The following CSMD1 variants were observed in gnomAD, a reference collection of about 807,000 sequenced individuals.
The protein encoded by CSMD1 is CUB and sushi domain-containing protein 1.
CSMD1 carries 213 observed loss-of-function variants against 417.5 expected under a neutral mutation model. The observed-to-expected ratio is 0.51, with a 90% confidence interval of 0.46 to 0.57. The LOEUF (loss-of-function observed/expected upper bound fraction) is 0.57, where lower values mean the gene tolerates loss of function less well. Ranked by LOEUF, CSMD1 falls within the 20% of genes least tolerant of loss-of-function variation. The pLI is 0.00. For synonymous variants in CSMD1, 2,862 were observed against 1,736.8 expected, an observed-to-expected ratio of 1.65 and a Z score of -16.11; for missense variants, 6,923 against 4,529.7, an observed-to-expected ratio of 1.53 and a Z score of -15.17.
In CSMD1 at chr8:4,994,417, G is replaced by T. The variant is rs1811646836; in HGVS notation, c.-1C>A. ...ACTGGAATCTCCTCCACGCAGTCAT[G>T]TCTGCAGATACTCCACACGCACGCG... is the stretch of plus-strand genomic sequence containing the variant. On this transcript the variant is annotated 5_prime_UTR_variant, in exon 1 of 70. Coordinates refer to ENST00000635120, the MANE Select transcript of CSMD1 (RefSeq NM_033225.6). 6.2e-7 allele frequency: 1 copy of T among 1,611,554 alleles called. No homozygotes were observed. Among genetic ancestry groups the T allele is most frequent in the African/African-American group, 1.3e-5 (1 of 75,048 alleles).
intron 5 of CSMD1, among the ~76,000 whole-genome samples, chr8:3,788,053 CA>C (rs1313615581): frequency 1.3e-5 from 2 of 152,138 alleles, no homozygotes; most frequent in African/African-American, 2.4e-5. Flanking sequence ...CACACTGGCT[CA>C]AAAAGCCTCT....
At position 3,493,472 on chromosome 8, in the gene CSMD1, C is replaced by G. The variant is rs993947058; in HGVS notation, c.1448+151G>C. On this transcript the variant is annotated intron_variant, in intron 11 of 69. Coordinates refer to ENST00000635120, the MANE Select transcript of CSMD1 (RefSeq NM_033225.6). ...ATTATACTCATAATGTGTTCTCATA[C>G]AAAATGAGATTGCAGGCCACTACAT... is the stretch of plus-strand genomic sequence containing the variant. 8.5e-6 allele frequency: 5 copies of G among 587,750 alleles called. No homozygotes were observed. The East Asian group carries it at 1.1e-4, about 13-fold the overall frequency. 36.4% of individuals were successfully genotyped at this position (587,750 alleles called of 1,614,324 possible).
intron 5 of CSMD1, among the ~76,000 whole-genome samples, chr8:3,956,623 C>G (rs73658506): frequency 6.6e-6 from 1 of 152,146 alleles, no homozygotes; most frequent in Admixed American, 6.5e-5. Context: ...GATAACAAGA[C>G]TAAAATGTTG....
intron 9 of CSMD1, among the ~76,000 whole-genome samples, chr8:3,579,424 C>T (rs1394263176): frequency 6.6e-6 from 1 of 152,120 alleles, no homozygotes; most frequent in African/African-American, 2.4e-5. Flanking sequence ...AATCAAATTA[C>T]TTGAAAGAAG....
chr8:4,211,104 T>G (rs1352200315), intron 3 of CSMD1, among the ~76,000 whole-genome samples: 1 of 152,226 alleles, frequency 6.6e-6, no homozygotes, highest in Non-Finnish European at 1.5e-5. Context: ...TTTTGGGAAT[T>G]TTCTTGCTGT....
chr8:4,974,721 G>A (rs1810445762), intron 1 of CSMD1, among the ~76,000 whole-genome samples: 1 of 152,130 alleles, frequency 6.6e-6, no homozygotes, highest in African/African-American at 2.4e-5. Flanking sequence ...AACACCTTTG[G>A]TCTTTGCTCT....
chr8:4,103,589 C>G (rs1184093553), intron 3 of CSMD1, among the ~76,000 whole-genome samples: 1 of 152,000 alleles, frequency 6.6e-6, no homozygotes, highest in African/African-American at 2.4e-5. Context: ...AAATGTTGGA[C>G]TCATTCAGAT....
At chr8:4,985,236 G>C (rs1811114989) in intron 1 of CSMD1, among the ~76,000 whole-genome samples, 1 of 152,022 alleles carries the variant, frequency 6.6e-6, no homozygotes, top group Non-Finnish European at 1.5e-5. Context: ...AGGAGGGAGA[G>C]GATTAGGAAA....
intron 5 of CSMD1, among the ~76,000 whole-genome samples, chr8:3,948,562 T>C (rs993459504): frequency 1.3e-5 from 2 of 152,162 alleles, no homozygotes; most frequent in Non-Finnish European, 2.9e-5. Flanking sequence ...GACAAAGATC[T>C]TGACTGTGAA....
intron 11 of CSMD1, among the ~76,000 whole-genome samples, chr8:3,477,087 C>T (rs955573587): frequency 6.6e-6 from 1 of 152,132 alleles, no homozygotes; most frequent in Non-Finnish European, 1.5e-5. Context: ...GATCTGTACA[C>T]ACAGAAAGTT....
chr8:4,837,736 T>G (rs1800583788), intron 1 of CSMD1, among the ~76,000 whole-genome samples: 1 of 152,058 alleles, frequency 6.6e-6, no homozygotes, highest in African/African-American at 2.4e-5. Flanking sequence ...ACCGTACATT[T>G]AAAAATAACA....
chr8:3,684,555 A>G (rs1315768477), intron 7 of CSMD1, among the ~76,000 whole-genome samples: 5 of 148,928 alleles, frequency 3.4e-5, no homozygotes, highest in Non-Finnish European at 5.9e-5. Context: ...CTGTCTTTCT[A>G]TATCATCATT....
intron 3 of CSMD1, among the ~76,000 whole-genome samples, chr8:4,065,934 A>G (rs1263154980): frequency 6.6e-6 from 1 of 152,210 alleles, no homozygotes; most frequent in Non-Finnish European, 1.5e-5. Context: ...TGAGAGTTAG[A>G]GAAAACTGAC....
chr8:2,948,480 G>T (rs1463953465), intron 68 of CSMD1, among the ~76,000 whole-genome samples: 1 of 152,086 alleles, frequency 6.6e-6, no homozygotes, highest in Admixed American at 6.6e-5. Context: ...TGTCTATGTA[G>T]AATAAGCTTT....
At chr8:3,180,859 G>A (rs1251500126) in intron 37 of CSMD1, among the ~76,000 whole-genome samples, 1 of 151,936 alleles carries the variant, frequency 6.6e-6, no homozygotes, top group African/African-American at 2.4e-5. Flanking sequence ...GGACAGCCTG[G>A]TCTTGAACAC....
At chr8:3,213,391 C>T (rs143166743) in intron 30 of CSMD1, among the ~76,000 whole-genome samples, 30 of 152,156 alleles carry the variant, frequency 2.0e-4, no homozygotes, top group African/African-American at 6.5e-4. Context: ...CCTATAGAGA[C>T]CCCCATGAAA....
At chr8:3,572,816 T>G (rs1395219982) in intron 10 of CSMD1, among the ~76,000 whole-genome samples, 8 of 152,126 alleles carry the variant, frequency 5.3e-5, no homozygotes, top group Admixed American at 3.9e-4. Context: ...ACACCTAATA[T>G]AGCCCCCAAA....
At chr8:3,312,550 T>TCC (rs2117423788) in intron 23 of CSMD1, among the ~76,000 whole-genome samples, 1 of 152,294 alleles carries the variant, frequency 6.6e-6, no homozygotes, top group South Asian at 2.1e-4. Context: ...CTCTCAAAGC[T>TCC]CCTCGCAGGA....
At position 3,838,681 on chromosome 8, in the gene CSMD1, A is replaced by G. The variant is rs527989354; in HGVS notation, c.819-84639T>C. Among the ~76,000 whole-genome samples, 16 of 85,324 alleles carry G rather than the reference A, an allele frequency of 1.9e-4. 1 individual carries two copies. The East Asian group carries it at 4.6e-3, about 25-fold the overall frequency. The allele number at this position is 85,324 out of a possible 152,430, so 56.0% of individuals were successfully genotyped here. A position where few individuals can be genotyped will look rare whatever the true frequency, so the allele number is the denominator to read the frequency against. On this transcript the variant is annotated intron_variant, in intron 5 of 69. Transcript: ENST00000635120. ...AATATATAATAAATTAATATTATAT[A>G]GTATAATATATAATAAATATTATAT... is the stretch of plus-strand genomic sequence containing the variant.
Sources: allele counts gnomAD v4.1 joint callset (sites outside exome capture counted in the v4.1 genomes callset), GRCh38; gene constraint gnomAD v4.1.1; transcripts MANE v1.5; gene names NCBI Gene and HGNC (gene_info 2026-07-23, HGNC 2026-07-21).